GLIS3: variants seen among roughly 807,000 people sequenced by gnomAD.
GLIS3 encodes the protein zinc finger protein GLIS3.
Under a neutral mutation model 78.6 loss-of-function variants are expected in GLIS3, and 53 were observed. That is an observed-to-expected ratio of 0.67 (90% confidence interval 0.54 to 0.85). The LOEUF (loss-of-function observed/expected upper bound fraction) is 0.85. GLIS3 is among the 40% of genes least tolerant of loss of function. The pLI is 0.00. For synonymous variants in GLIS3, 684 were observed against 509.9 expected (o/e 1.34, Z -4.60); for missense variants, 1,703 against 1,231.1 (o/e 1.38, Z -5.74).
intron 7 of GLIS3, among the ~76,000 whole-genome samples, chr9:3,883,674 C>G (rs529654834): frequency 6.6e-6 from 1 of 152,282 alleles, no homozygotes; most frequent in African/African-American, 2.4e-5. Context: ...CACAGGCTGC[C>G]CACAGGAGCA....
At chr9:4,395,544 G>A in the GLIS3 span, among the ~76,000 whole-genome samples, 1 of 152,022 alleles carries the variant, frequency 6.6e-6, no homozygotes, top group African/African-American at 2.4e-5. Flanking sequence ...AGTCATTTTG[G>A]TACTGGTGCC....
intron 2 of GLIS3, among the ~76,000 whole-genome samples, chr9:4,340,998 C>A (rs950087052): frequency 2.8e-4 from 43 of 152,318 alleles, no homozygotes; most frequent in African/African-American, 9.6e-4. Context: ...TTTAGCAACT[C>A]TGCAAACACC....
Position 4,118,984 on chromosome 9 carries a change from T to C in GLIS3, c.597-103A>G. Reference sequence around the variant, plus strand: ...AACACTGCATTGACAATCCCTTAAGTATTTCCCCTAATTACATTCTGTGCT... The same window carrying C: ...AACACTGCATTGACAATCCCTTAAGCATTTCCCCTAATTACATTCTGTGCT... On this transcript the variant is annotated intron_variant, in intron 3 of 10. Transcript: ENST00000381971. This position sits in a 1 kb window ranked among gnomAD's most constrained non-coding sequence, Gnocchi z 4.7. The C allele has an allele frequency of 8.3e-6, 10 of 1,211,058 alleles. No individual in the cohort carries two copies. The highest frequency in any genetic ancestry group is 1.2e-5 in the Non-Finnish European group (10 of 854,360). 75.0% of individuals were successfully genotyped at this position (1,211,058 alleles called of 1,614,324 possible).
the GLIS3 span, among the ~76,000 whole-genome samples, chr9:4,475,637 A>G: frequency 1.3e-5 from 2 of 152,192 alleles, no homozygotes; most frequent in African/African-American, 4.8e-5. Flanking sequence ...AATGAGGAAG[A>G]TTTCAGTATT....
intron 4 of GLIS3, among the ~76,000 whole-genome samples, chr9:4,044,632 G>A (rs535981323): frequency 6.6e-6 from 1 of 152,168 alleles, no homozygotes; most frequent in African/African-American, 2.4e-5. Context: ...AGTCTGGGTT[G>A]GGTACAGTAG....
Position 4,018,586 on chromosome 9 carries a change from A to G in GLIS3, c.1711-81397T>C, listed in dbSNP as rs571217511. ...TCTTGACTGGGGTTAGTGGGTTTCA[A>G]GAAGGGAAAAGCTGCGGAGGGTGAC... On this transcript the variant is annotated intron_variant, in intron 4 of 10. Coordinates refer to ENST00000381971, the MANE Select transcript of GLIS3 (RefSeq NM_001042413.2). Among the ~76,000 whole-genome samples, 4 of 152,270 alleles carry G rather than the reference A, an allele frequency of 2.6e-5. No individual in the cohort carries two copies. In the East Asian group the frequency reaches 7.7e-4, roughly 29 times the overall value.
chr9:4,415,470 C>T, the GLIS3 span, among the ~76,000 whole-genome samples: 2 of 152,204 alleles, frequency 1.3e-5, no homozygotes, highest in African/African-American at 2.4e-5. Context: ...GGATGTTAGT[C>T]ACCAGACACT....
At chr9:4,382,129 C>T in the GLIS3 span, among the ~76,000 whole-genome samples, 49 of 152,278 alleles carry the variant, frequency 3.2e-4, no homozygotes, top group Admixed American at 7.8e-4. Context: ...TTCCAATGCC[C>T]GTAATACCAA....
chr9:4,107,821 C>T (rs1012198354), intron 4 of GLIS3, among the ~76,000 whole-genome samples: 1 of 150,478 alleles, frequency 6.6e-6, no homozygotes, highest in Non-Finnish European at 1.5e-5. Context: ...CTTTTCTTTC[C>T]TATGAATTCA....
At chr9:4,198,976 A>C (rs1321350042) in intron 2 of GLIS3, among the ~76,000 whole-genome samples, 2 of 152,244 alleles carry the variant, frequency 1.3e-5, no homozygotes, top group Non-Finnish European at 2.9e-5. Flanking sequence ...CTTCATAAGC[A>C]AAGGAGAAAT....
intron 2 of GLIS3, among the ~76,000 whole-genome samples, chr9:4,329,013 G>A (rs1237274143): frequency 6.6e-6 from 1 of 152,176 alleles, no homozygotes; most frequent in Admixed American, 6.5e-5. Context: ...GTTACAAAAG[G>A]CTTAGGATGA....
intron 4 of GLIS3, among the ~76,000 whole-genome samples, chr9:4,052,424 A>G (rs1216781208): frequency 1.3e-5 from 2 of 152,194 alleles, no homozygotes; most frequent in African/African-American, 2.4e-5. Context: ...TATCACCACC[A>G]TCTAGTTCCA....
At chr9:3,869,447 G>T (rs1265259331) in intron 8 of GLIS3, among the ~76,000 whole-genome samples, 1 of 152,154 alleles carries the variant, frequency 6.6e-6, no homozygotes, top group Non-Finnish European at 1.5e-5. Context: ...TAGTATTCAA[G>T]ATTTCAAGAA....
At chr9:4,477,574 C>T in the GLIS3 span, among the ~76,000 whole-genome samples, 1 of 152,052 alleles carries the variant, frequency 6.6e-6, no homozygotes, top group Non-Finnish European at 1.5e-5. Flanking sequence ...ACACCACACC[C>T]AGCTAATTTT....
intron 4 of GLIS3, among the ~76,000 whole-genome samples, chr9:4,104,685 G>A (rs564713351): frequency 6.6e-6 from 1 of 152,082 alleles, no homozygotes; most frequent in African/African-American, 2.4e-5. Context: ...CATCCACCTT[G>A]GACTCCTTGA....
rs141812263 is a variant in GLIS3 at position 4,040,519 on chromosome 9, C to T, written c.1710+77249G>A. On this transcript the variant is annotated intron_variant, in intron 4 of 10. Transcript: ENST00000381971. ...AATAAGGACAATCTGAACAACAAAA[C>T]CAGATTTTAGGTCTTTTCCTAAAAT... 1.7e-3 allele frequency among the ~76,000 whole-genome samples: 265 copies of T among 152,182 alleles called. 1 individual carries two copies. Among genetic ancestry groups the T allele is most frequent in the African/African-American group, 6.0e-3 (247 of 41,506 alleles).
intron 2 of GLIS3, among the ~76,000 whole-genome samples, chr9:4,191,856 GAAGA>G (rs1357239879): frequency 9.2e-5 from 14 of 152,122 alleles, no homozygotes; most frequent in South Asian, 6.2e-4. Flanking sequence ...AAAGGAAAAT[GAAGA>G]GAGAAAGAAA....
intron 2 of GLIS3, among the ~76,000 whole-genome samples, chr9:4,280,376 C>G (rs889274137): frequency 2.0e-5 from 3 of 152,110 alleles, no homozygotes; most frequent in Admixed American, 2.0e-4. Context: ...TGAAAATTAA[C>G]TTTCTTGGTT....
chr9:4,368,761 G>A, the GLIS3 span, among the ~76,000 whole-genome samples: 1 of 152,296 alleles, frequency 6.6e-6, no homozygotes, highest in African/African-American at 2.4e-5. Flanking sequence ...AGAAGAGGAG[G>A]ATAGTAGCAT....
Sources: allele counts gnomAD v4.1 joint callset (sites outside exome capture counted in the v4.1 genomes callset), GRCh38; gene constraint gnomAD v4.1.1; non-coding constraint Gnocchi (gnomAD v3.1); transcripts MANE v1.5; gene names NCBI Gene and HGNC (gene_info 2026-07-23, HGNC 2026-07-21).